EVC: variants seen among roughly 807,000 people sequenced by gnomAD.
EVC encodes the protein evC complex member EVC.
A neutral mutation model predicts 118.9 loss-of-function variants in EVC; 116 were observed. The observed-to-expected ratio is 0.98, with a 90% CI of 0.84 to 1.14. EVC has a LOEUF of 1.14. Among genes scored for constraint, EVC ranks in the 50% most tolerant of loss-of-function variants. The probability of loss-of-function intolerance (pLI) is 0.00; values close to 1 mark genes in which losing one functional copy is unlikely to be tolerated. For synonymous variants in EVC, 619 were observed against 534.7 expected, an observed-to-expected ratio of 1.16 and a Z score of -2.18; for missense variants, 1,401 against 1,246.4, an observed-to-expected ratio of 1.12 and a Z score of -1.87.
chr4:5,788,581 A>G (rs1033526220), intron 12 of EVC, among the ~76,000 whole-genome samples: 1 of 152,102 alleles, frequency 6.6e-6, no homozygotes, highest in Non-Finnish European at 1.5e-5. Context: ...TTTTTCTACT[A>G]AATTAGGGCA....
At chr4:5,828,443 G>A in the EVC span, 62 of 1,592,630 alleles carry the variant, frequency 3.9e-5, no homozygotes, top group Middle Eastern at 3.7e-4. Flanking sequence ...AGACGCTGTC[G>A]GCTCTGGTCC....
intron 5 of EVC, among the ~76,000 whole-genome samples, chr4:5,736,030 C>T (rs867386388): frequency 2.0e-5 from 3 of 152,170 alleles, no homozygotes; most frequent in South Asian, 4.2e-4. Flanking sequence ...CCTCATGCAT[C>T]CCAGAAGCTT....
In EVC at chr4:5,804,723, G is replaced by T. The variant is rs769527486; in HGVS notation, c.2450-7G>T. The T allele has an allele frequency of 1.2e-5, 19 of 1,613,394 alleles. No individual in the cohort carries two copies. The Admixed American group carries it at 2.8e-4, about 24-fold the overall frequency. ...ACCCCTTGATTGTCCTGTGTTAAAT[G>T]GTCTAGGTGAGAGGATGGAAAATTA... On this transcript the variant is annotated splice_region_variant and splice_polypyrimidine_tract_variant and intron_variant, in intron 16 of 20. Coordinates refer to ENST00000264956, the MANE Select transcript of EVC (RefSeq NM_153717.3).
At chr4:5,741,158 GC>G (rs1208144171) in intron 5 of EVC, among the ~76,000 whole-genome samples, 2 of 152,150 alleles carry the variant, frequency 1.3e-5, no homozygotes, top group Non-Finnish European at 2.9e-5. Flanking sequence ...GTTCATAATA[GC>G]CCCAAACTGG....
chr4:5,787,842 C>T (rs1001897246), intron 12 of EVC, among the ~76,000 whole-genome samples: 34 of 152,118 alleles, frequency 2.2e-4, no homozygotes, highest in African/African-American at 8.0e-4. Context: ...GCACCCCACT[C>T]CGGGTGGTTT....
rs1365125730 is a variant in EVC, at chr4:5,737,541, G to A, written c.702+4106G>A. 6.6e-6 allele frequency among the ~76,000 whole-genome samples: 1 copy of A among 152,208 alleles called. No individual in the cohort carries two copies. Among genetic ancestry groups the A allele is most frequent in the Non-Finnish European group, 1.5e-5 (1 of 68,040 alleles). On this transcript the variant is annotated intron_variant, in intron 5 of 20. Coordinates refer to ENST00000264956, the MANE Select transcript of EVC (RefSeq NM_153717.3). This position sits in a 1 kb window ranked among gnomAD's most constrained non-coding sequence, Gnocchi z 5.0. ...AGAACAGGCTGACTCTCTCGCTAGGGGCTAATGCGGGAGATGACTTTAAGT... is the reference window on the plus strand; with the variant it reads ...AGAACAGGCTGACTCTCTCGCTAGGAGCTAATGCGGGAGATGACTTTAAGT...
At chr4:5,817,042 G>C (rs917556407), downstream of EVC, among the ~76,000 whole-genome samples, 1 of 152,220 alleles carries the variant, frequency 6.6e-6, no homozygotes, top group African/African-American at 2.4e-5. Context: ...AGGAATCAGT[G>C]AGGCTGAGGC....
Position 5,749,911 on chromosome 4 carries a change from C to A in EVC, c.1098+1605C>A, listed in dbSNP as rs977474639. Among the ~76,000 whole-genome samples the A allele has an allele frequency of 2.6e-5, 4 of 152,120 alleles. No homozygotes were observed. The highest frequency in any genetic ancestry group is 5.9e-5 in the Non-Finnish European group (4 of 68,024). Reference sequence around the variant, plus strand: ...AGGTGTGATCCACAGACCACAGCATCGGCAACACTGGGAGCTGGTTAGAGT... The same window carrying A: ...AGGTGTGATCCACAGACCACAGCATAGGCAACACTGGGAGCTGGTTAGAGT... On this transcript the variant is annotated intron_variant, in intron 8 of 20. Coordinates refer to ENST00000264956, the MANE Select transcript of EVC (RefSeq NM_153717.3). This position sits in a 1 kb window ranked among gnomAD's most constrained non-coding sequence, Gnocchi z 4.4.
At chr4:5,792,693 C>T (rs529625856) in intron 12 of EVC, among the ~76,000 whole-genome samples, 2 of 152,320 alleles carry the variant, frequency 1.3e-5, no homozygotes, top group African/African-American at 4.8e-5. Context: ...AAAGGATCTA[C>T]AAACTGTCAC....
chr4:5,723,268 C>T (rs1725265807), intron 2 of EVC, among the ~76,000 whole-genome samples: 3 of 151,420 alleles, frequency 2.0e-5, no homozygotes, highest in African/African-American at 4.9e-5. Flanking sequence ...CGGCTCCCTG[C>T]AACCTCTGCC....
At chr4:5,823,027 A>G in the EVC span, among the ~76,000 whole-genome samples, 1 of 152,018 alleles carries the variant, frequency 6.6e-6, no homozygotes, top group Admixed American at 6.6e-5. Flanking sequence ...TTTACCGACA[A>G]CTGTCTTGGT....
chr4:5,829,025 T>A, the EVC span, among the ~76,000 whole-genome samples: 1 of 150,118 alleles, frequency 6.7e-6, no homozygotes, highest in East Asian at 1.9e-4. Flanking sequence ...TGTCTTTAAA[T>A]AAAATTTTTT....
chr4:5,721,119 C>T (rs1435297305), intron 2 of EVC, among the ~76,000 whole-genome samples: 1 of 152,128 alleles, frequency 6.6e-6, no homozygotes, highest in Non-Finnish European at 1.5e-5. Flanking sequence ...CTCTCTTCCC[C>T]TCCTCTCTCT....
rs1730965391 is a variant in EVC at position 5,755,145 on chromosome 4, T to C, written c.1465-1119T>C. On this transcript the variant is annotated intron_variant, in intron 10 of 20. Transcript: ENST00000264956. This position sits in a 1 kb window ranked among gnomAD's most constrained non-coding sequence, Gnocchi z 4.1. The stretch of plus-strand genomic sequence containing the variant: ...TGCCACAAAGGGGTAGGGTAGGTTT[T>C]TCTATCTTTGAGACCCATTTGAAAT... 6.6e-6 allele frequency among the ~76,000 whole-genome samples: 1 copy of C among 152,180 alleles called. No homozygotes were observed. The highest frequency in any genetic ancestry group is 2.4e-5 in the African/African-American group (1 of 41,456).
At chr4:5,827,733 G>GCACACAGACA in the EVC span, among the ~76,000 whole-genome samples, 13,167 of 138,268 alleles carry the variant, frequency 0.095, 1,065 homozygotes, top group African/African-American at 0.26. Context: ...ATGTGCGCGT[G>GCACACAGACA]CACACACACA....
chr4:5,712,746 C>T (rs749514488), intron 1 of EVC, among the ~76,000 whole-genome samples: 2 of 152,106 alleles, frequency 1.3e-5, no homozygotes, highest in Non-Finnish European at 2.9e-5. Flanking sequence ...GCAAGATGCT[C>T]GTAGGTGAGT....
chr4:5,733,738 G>A (rs1274125447), intron 5 of EVC, among the ~76,000 whole-genome samples: 1 of 152,126 alleles, frequency 6.6e-6, no homozygotes, highest in Non-Finnish European at 1.5e-5. Context: ...ATTTAAAAGA[G>A]AACAATATGT....
chr4:5,753,438 A>G (rs1730700917), intron 9 of EVC, among the ~76,000 whole-genome samples: 1 of 152,066 alleles, frequency 6.6e-6, no homozygotes, highest in African/African-American at 2.4e-5. Flanking sequence ...GTCATGCTGG[A>G]GTCATGTGGC....
chr4:5,822,497 G>A, the EVC span, among the ~76,000 whole-genome samples: 1 of 120,622 alleles, frequency 8.3e-6, no homozygotes, highest in South Asian at 2.4e-4. Context: ...ATCTGAAGGG[G>A]GGGGGGGTGG....
Sources: allele counts gnomAD v4.1 joint callset (sites outside exome capture counted in the v4.1 genomes callset), GRCh38; gene constraint gnomAD v4.1.1; non-coding constraint Gnocchi (gnomAD v3.1); transcripts MANE v1.5; gene names NCBI Gene and HGNC (gene_info 2026-07-23, HGNC 2026-07-21).